Variants in TKTL1 observed in about 807,000 individuals in gnomAD.
TKTL1 encodes the protein transketolase like 1.
Under a neutral mutation model 39.3 loss-of-function variants are expected in TKTL1, and 1 was observed. The observed-to-expected ratio is 0.03, with a 90% confidence interval of 0.01 to 0.12. The LOEUF is 0.12. TKTL1 is among the 10% of genes least tolerant of loss of function. The probability of loss-of-function intolerance (pLI) is 1.00; values close to 1 mark genes in which losing one functional copy is unlikely to be tolerated. For missense variants in TKTL1, 575 were observed against 509.6 expected (o/e 1.13, Z -1.24); for synonymous variants, 262 against 193.8 (o/e 1.35, Z -2.92).
At chrX:154,315,537 C>T (rs1169974444) in intron 7 of TKTL1, among the ~76,000 whole-genome samples, 200 bp downstream of exon 7, 1 of 111,541 alleles carries the variant, frequency 9.0e-6, no homozygotes, top group Non-Finnish European at 1.9e-5. Context: ...ATAGACTACT[C>T]GGCACTTGGA....
At chrX:154,312,839 C>G in intron 6 of TKTL1, 66 bp downstream of exon 6, 1 of 1,008,342 alleles carries the variant, frequency 9.9e-7, no homozygotes, top group Non-Finnish European at 1.4e-6. Flanking sequence ...TAATGTTGTT[C>G]GTATGTACAC....
rs2067444583 is a variant in TKTL1, at chrX:154,320,891, T to C, written c.1164T>C (p.Gly388=). 1.7e-6 allele frequency: 2 copies of C among 1,211,815 alleles called. No individual in the cohort carries two copies. Among genetic ancestry groups the C allele is most frequent in the Non-Finnish European group, 2.2e-6 (2 of 895,378 alleles). ...CTGAGAGCAACATCAACATTATTGGTTCCCACTGTGGGGTATCTGTTGGTA... is the reference window on the plus strand; with the variant it reads ...CTGAGAGCAACATCAACATTATTGGCTCCCACTGTGGGGTATCTGTTGGTA... ...GLAESNINII[G]SHCGVSVGDD... Residue 388 remains glycine (G), a synonymous_variant, in exon 8 of 13, where the codon GGT becomes GGC. Transcript: ENST00000369915.
At chrX:154,317,602 G>GC (rs1557169617) in intron 7 of TKTL1, among the ~76,000 whole-genome samples, 2 of 112,771 alleles carry the variant, frequency 1.8e-5, no homozygotes, top group African/African-American at 6.4e-5. Flanking sequence ...AAGCAGGAAA[G>GC]CAACAGCCTG....
intron 10 of TKTL1, among the ~76,000 whole-genome samples, chrX:154,325,639 TTTG>T (rs1357334221): frequency 8.9e-6 from 1 of 112,437 alleles, no homozygotes. Flanking sequence ...AATGGAGTCT[TTTG>T]TTGTTGTTGA....
intron 1 of TKTL1, among the ~76,000 whole-genome samples, chrX:154,300,279 C>T (rs2067263300): frequency 8.9e-6 from 1 of 112,525 alleles, no homozygotes; most frequent in African/African-American, 3.2e-5. Context: ...TCCCAAAGTG[C>T]TGGGATTACA....
chrX:154,319,188 T>A (rs1603353988), intron 7 of TKTL1, among the ~76,000 whole-genome samples: 1 of 112,366 alleles, frequency 8.9e-6, no homozygotes, highest in African/African-American at 3.2e-5. Context: ...GTCACTCAGT[T>A]CTTTGAATTC....
intron 1 of TKTL1, among the ~76,000 whole-genome samples, chrX:154,302,302 A>G (rs1228505497): frequency 9.0e-6 from 1 of 111,420 alleles, no homozygotes; most frequent in Non-Finnish European, 1.9e-5. Flanking sequence ...AGTCAAAACA[A>G]GGGTTGAATA....
chrX:154,296,426 A>G (rs1282097910), intron 1 of TKTL1, among the ~76,000 whole-genome samples: 1 of 110,734 alleles, frequency 9.0e-6, no homozygotes, highest in African/African-American at 3.3e-5. Flanking sequence ...TGAATGAGCG[A>G]CTCTAACCCA....
intron 2 of TKTL1, among the ~76,000 whole-genome samples, chrX:154,306,146 A>AC (rs1254905622): frequency 5.9e-5 from 5 of 84,385 alleles, no homozygotes; most frequent in African/African-American, 4.3e-4. Flanking sequence ...GTCTCCACTT[A>AC]AAAAAAAAAA....
rs781793466 is a variant in TKTL1, at chrX:154,315,270, T to C, written c.962T>C (p.Phe321Ser). 1.1e-5 allele frequency: 13 copies of C among 1,211,205 alleles called. No homozygotes were observed. Among genetic ancestry groups the C allele is most frequent in the South Asian group, 7.0e-5 (4 of 56,945 alleles). ...GATGGTGACACCAGGTACTCTACTTTCTCTGAGATATTCAACAAGGAGTAC... is the reference window on the plus strand; with the variant it reads ...GATGGTGACACCAGGTACTCTACTTCCTCTGAGATATTCAACAAGGAGTAC... ...VLDGDTRYST[F>S]SEIFNKEYPE... Residue 321 changes from phenylalanine (F) to serine (S), a missense_variant, in exon 7 of 13, where the codon TTC becomes TCC. By Grantham distance (155) the Phe-to-Ser change is radical (BLOSUM62 -2). Coordinates refer to ENST00000369915, the MANE Select transcript of TKTL1 (RefSeq NM_012253.4).
intron 1 of TKTL1, among the ~76,000 whole-genome samples, chrX:154,302,794 G>A (rs1396541205): frequency 8.9e-6 from 1 of 111,823 alleles, no homozygotes; most frequent in African/African-American, 3.3e-5. Context: ...CCTTATAAGA[G>A]AAAGAAAAGA....
chrX:154,311,727 G>A (rs1360335584), intron 5 of TKTL1, among the ~76,000 whole-genome samples: 2 of 111,395 alleles, frequency 1.8e-5, no homozygotes, highest in Non-Finnish European at 3.8e-5. Context: ...CAAAGAGTGC[G>A]GCTCCTGGAT....
chrX:154,319,861 G>A (rs978176702), intron 7 of TKTL1, among the ~76,000 whole-genome samples: 1 of 112,130 alleles, frequency 8.9e-6, no homozygotes, highest in Non-Finnish European at 1.9e-5. Context: ...CCTTTGGAAA[G>A]CCTGTGTGTA....
intron 7 of TKTL1, among the ~76,000 whole-genome samples, chrX:154,317,315 G>T (rs940972056): frequency 8.9e-6 from 1 of 111,861 alleles, no homozygotes; most frequent in Non-Finnish European, 1.9e-5. Context: ...GGGCAGTCAG[G>T]GACAACCTCT....
rs923603738 is a variant in TKTL1, at chrX:154,306,740, G to A, written c.252+1319G>A. Among the ~76,000 whole-genome samples, 6 of 109,729 alleles carry A rather than the reference G, an allele frequency of 5.5e-5. No homozygotes were observed. The East Asian group carries it at 8.7e-4, about 16-fold the overall frequency. On this transcript the variant is annotated intron_variant, in intron 2 of 12. Transcript: ENST00000369915. The stretch of plus-strand genomic sequence containing the variant: ...CACCCCTGACCTCCTGGCCTCAAGC[G>A]ATCTTCCCATTTCAGCCTCTTGAGT...
chrX:154,320,442 T>C, intron 7 of TKTL1: 1 of 294,289 alleles, frequency 3.4e-6, no homozygotes, highest in Non-Finnish European at 6.0e-6. Flanking sequence ...TGGAGACCCC[T>C]GTGAGAAAGC....
intron 12 of TKTL1, among the ~76,000 whole-genome samples, chrX:154,328,630 G>C (rs1040498650): frequency 4.2e-5 from 4 of 94,134 alleles, no homozygotes; most frequent in Non-Finnish European, 8.4e-5. Flanking sequence ...AGAGAACACA[G>C]CAAATGCAGA....
intron 7 of TKTL1, among the ~76,000 whole-genome samples, chrX:154,317,723 T>G (rs1293522307): frequency 1.8e-5 from 2 of 112,514 alleles, no homozygotes; most frequent in African/African-American, 3.2e-5. Flanking sequence ...GAAGCAGACT[T>G]GTCACATATT....
chrX:154,324,624 G>T (rs888014681), intron 9 of TKTL1, among the ~76,000 whole-genome samples: 1 of 111,496 alleles, frequency 9.0e-6, no homozygotes, highest in Non-Finnish European at 1.9e-5. Flanking sequence ...CTCTGCTGGC[G>T]GAAGCGCTGC....
Sources: gnomAD v4.1 joint callset for allele counts (sites outside exome capture counted in the v4.1 genomes callset) on GRCh38, gnomAD v4.1.1 for gene constraint, MANE v1.5 for transcripts, NCBI Gene and HGNC (gene_info 2026-07-23, HGNC 2026-07-21) for gene names.